Variants in FHDC1 observed in about 807,000 individuals in gnomAD.
The protein encoded by FHDC1 is FH2 domain-containing protein 1.
FHDC1 carries 25 observed loss-of-function variants against 52.6 expected under a neutral mutation model. That is an observed-to-expected ratio of 0.48 (90% CI 0.35 to 0.66). FHDC1 has a LOEUF of 0.66. Among genes scored for constraint, FHDC1 ranks in the 30% least tolerant of loss-of-function variants. The pLI is 0.01. For synonymous variants in FHDC1, 616 were observed against 581.5 expected (o/e 1.06, Z -0.85); for missense variants, 1,459 against 1,452.8 (o/e 1.00, Z -0.07).
At chr4:152,963,454 G>A (rs991334926) in intron 8 of FHDC1, among the ~76,000 whole-genome samples, 4 of 152,220 alleles carry the variant, frequency 2.6e-5, no homozygotes, top group Non-Finnish European at 4.4e-5. Context: ...GTAATAGCTT[G>A]ACTGGATCTC....
chr4:152,935,803 T>C (rs1304283060), upstream of FHDC1, among the ~76,000 whole-genome samples: 1 of 151,576 alleles, frequency 6.6e-6, no homozygotes, highest in Non-Finnish European at 1.5e-5. Context: ...GAGGGTGGTC[T>C]GGCGCGTGCG....
rs762423644 is a variant in FHDC1 at position 152,977,971 on chromosome 4, TCAGA to T, written c.*1253_*1256del. ...CTAGGAACAGGAGGGAAAGTTGGAC[TCAGA>T]CAGAAATCAGATGCTTCCATGTATT... On this transcript the variant is annotated 3_prime_UTR_variant, in exon 12 of 12. Coordinates refer to ENST00000511601, the MANE Select transcript of FHDC1 (RefSeq NM_001371116.1). 1 of 152,260 alleles carries T rather than the reference TCAGA, an allele frequency of 6.6e-6. No individual in the cohort carries two copies. Among genetic ancestry groups the T allele is most frequent in the Non-Finnish European group, 1.5e-5 (1 of 68,072 alleles). The allele number at this position is 152,260 out of a possible 1,614,324, so 9.4% of individuals were successfully genotyped here.
chr4:152,943,244 C>T lies in FHDC1; in HGVS notation c.187C>T (p.Pro63Ser). 6.2e-7 allele frequency: 1 copy of T among 1,607,186 alleles called. No homozygotes were observed. Among genetic ancestry groups the T allele is most frequent in the East Asian group, 2.2e-5 (1 of 44,706 alleles). ...ECPSSPPPPP[P>S]PPLPGEPPIP... ...TCCTTCCTCCCCTCCTCCACCCCCACCACCTCCACTTCCTGGGGAGCCTCC... is the reference window on the plus strand; with the variant it reads ...TCCTTCCTCCCCTCCTCCACCCCCATCACCTCCACTTCCTGGGGAGCCTCC... Residue 63 changes from proline to serine, a missense_variant, in exon 2 of 12, where the codon CCA becomes TCA. Coordinates refer to ENST00000511601, the MANE Select transcript of FHDC1 (RefSeq NM_001371116.1).
chr4:152,921,858 G>A, the FHDC1 span, among the ~76,000 whole-genome samples: 1 of 152,160 alleles, frequency 6.6e-6, no homozygotes, highest in African/African-American at 2.4e-5. Flanking sequence ...ATTCAAAGCA[G>A]TGTGTAGAGG....
chr4:152,953,519 A>G lies in FHDC1; in HGVS notation c.519A>G (p.Lys173=), dbSNP rs199869382. Residue 173 remains lysine, a synonymous_variant, in exon 3 of 12, where the codon AAA becomes AAG. Transcript: ENST00000511601. ...AREEITILDA[K]RSMNIGIFLK... ...TCCAGATTACTATTTTGGATGCAAAACGGAGCATGAACATTGGGATATTTC... is the reference window on the plus strand; with the variant it reads ...TCCAGATTACTATTTTGGATGCAAAGCGGAGCATGAACATTGGGATATTTC... 1 of 1,612,610 alleles carries G rather than the reference A, an allele frequency of 6.2e-7. No homozygotes were observed. Among genetic ancestry groups the G allele is most frequent in the African/African-American group, 1.3e-5 (1 of 75,018 alleles).
chr4:152,927,600 G>T, the FHDC1 span: 11 of 1,606,500 alleles, frequency 6.8e-6, no homozygotes, highest in Admixed American at 1.7e-5. Flanking sequence ...TATGACCCTC[G>T]ATCTCTATAT....
intron 2 of FHDC1, among the ~76,000 whole-genome samples, chr4:152,951,611 G>A (rs572626703): frequency 5.3e-5 from 8 of 152,200 alleles, no homozygotes; most frequent in African/African-American, 1.7e-4. Context: ...TAACAGTCTC[G>A]CTGCTGGTTA....
chr4:152,919,902 C>G, the FHDC1 span, among the ~76,000 whole-genome samples: 1 of 145,854 alleles, frequency 6.9e-6, no homozygotes, highest in Non-Finnish European at 1.5e-5. Context: ...AGTCTACAAA[C>G]ATGGCTTTCT....
chr4:152,937,561 C>G (rs1739427406), intron 1 of FHDC1, among the ~76,000 whole-genome samples: 1 of 151,836 alleles, frequency 6.6e-6, no homozygotes, highest in African/African-American at 2.4e-5. Context: ...GCAGCTGCAG[C>G]CGCCGGACGG....
chr4:152,924,663 T>C, the FHDC1 span, among the ~76,000 whole-genome samples: 4 of 152,034 alleles, frequency 2.6e-5, no homozygotes, highest in Non-Finnish European at 5.9e-5. Flanking sequence ...ATATACACCA[T>C]GGAATACTGT....
At position 152,948,052 on chromosome 4, in the gene FHDC1, A is replaced by AT. The variant is rs530009435; in HGVS notation, c.498+4506dup. On this transcript the variant is annotated intron_variant, in intron 2 of 11. Coordinates refer to ENST00000511601, the MANE Select transcript of FHDC1 (RefSeq NM_001371116.1). ...AAAAATGTGCTTCAACTGGATTTTC[A>AT]TTTTTTTTTCCCCAAAGTTGGGAGA... Among the ~76,000 whole-genome samples, 7 of 151,608 alleles carry AT rather than the reference A, an allele frequency of 4.6e-5. No homozygotes were observed. In the East Asian group the frequency reaches 5.8e-4, roughly 13 times the overall value.
intron 4 of FHDC1, 96 bp from the exon 5 acceptor site, chr4:152,960,469 C>A: frequency 9.3e-7 from 1 of 1,074,868 alleles, no homozygotes; most frequent in Non-Finnish European, 1.4e-6. Flanking sequence ...CACTAAAATC[C>A]TATTTTTTTA....
chr4:152,959,602 T>C (rs773535257), intron 4 of FHDC1, among the ~76,000 whole-genome samples: 19 of 152,260 alleles, frequency 1.2e-4, no homozygotes, highest in Non-Finnish European at 2.2e-4. Context: ...GGCTTCCCTA[T>C]GTTGCCCAGG....
At chr4:152,923,362 T>C in the FHDC1 span, among the ~76,000 whole-genome samples, 1 of 152,004 alleles carries the variant, frequency 6.6e-6, no homozygotes, top group African/African-American at 2.4e-5. Flanking sequence ...TAAAAGAGAA[T>C]ACAAAGAAAT....
At chr4:152,929,573 G>A in the FHDC1 span, among the ~76,000 whole-genome samples, 133 of 152,118 alleles carry the variant, frequency 8.7e-4, no homozygotes, top group African/African-American at 3.2e-3. This position sits in a 1 kb window ranked among gnomAD's most constrained non-coding sequence, Gnocchi z 4.1. Flanking sequence ...CTTTCCTTTC[G>A]CACCATCAAG....
chr4:152,930,515 A>AC, the FHDC1 span, among the ~76,000 whole-genome samples: 2 of 151,646 alleles, frequency 1.3e-5, no homozygotes, highest in South Asian at 2.1e-4. Flanking sequence ...ACCCCAAAAG[A>AC]CCCCCCTTCA....
chr4:152,976,417 C>T lies in FHDC1; in HGVS notation c.3126C>T (p.Ser1042=). 6.2e-7 allele frequency: 1 copy of T among 1,613,780 alleles called. No individual in the cohort carries two copies. ...GCTTTGCCCGGAACACAGTGGCCTC[C>T]TCCTCTCGAAGCATGAGAACAGATC... ...VPSFARNTVA[S]SSRSMRTDLP... is the part of the protein sequence containing the mutation. Residue 1042 remains serine (S), a synonymous_variant, in exon 12 of 12, where the codon TCC becomes TCT. Coordinates refer to ENST00000511601, the MANE Select transcript of FHDC1 (RefSeq NM_001371116.1).
At chr4:152,961,290 C>T (rs1286302512) in intron 6 of FHDC1, among the ~76,000 whole-genome samples, 1 of 152,176 alleles carries the variant, frequency 6.6e-6, no homozygotes, top group Non-Finnish European at 1.5e-5. Context: ...ACCTCTTTTC[C>T]TGGGGTCAAC....
rs1741013423 is a variant in FHDC1, at chr4:152,979,504, T to G, written c.*2781T>G. ...CATCTGTGTGAGCAGATGATCATTG[T>G]ATTACCTTTTATCGGTAGTAAGCTT... On this transcript the variant is annotated 3_prime_UTR_variant, in exon 12 of 12. Transcript: ENST00000511601. 6.6e-6 allele frequency: 1 copy of G among 152,262 alleles called. No homozygotes were observed. The highest frequency in any genetic ancestry group is 1.5e-5 in the Non-Finnish European group (1 of 68,054). 9.4% of individuals were successfully genotyped at this position (152,262 alleles called of 1,614,324 possible). A position where few individuals can be genotyped will look rare whatever the true frequency, so the allele number is the denominator to read the frequency against.
Sources: gnomAD v4.1 joint callset for allele counts (sites outside exome capture counted in the v4.1 genomes callset) on GRCh38, gnomAD v4.1.1 for gene constraint, Gnocchi (gnomAD v3.1) non-coding constraint, MANE v1.5 for transcripts, NCBI Gene and HGNC (gene_info 2026-07-23, HGNC 2026-07-21) for gene names.